Variants in GOLGA3 observed in about 807,000 individuals in gnomAD.
The protein encoded by GOLGA3 is golgin subfamily A member 3.
GOLGA3 carries 75 observed loss-of-function variants against 169.4 expected under a neutral mutation model. That is an observed-to-expected ratio of 0.44 (90% CI 0.37 to 0.54). The LOEUF is 0.54. Ranked by LOEUF, GOLGA3 falls within the 20% of genes least tolerant of loss-of-function variation. GOLGA3 has a pLI of 0.00. For missense variants in GOLGA3, 1,899 were observed against 1,930.0 expected, an observed-to-expected ratio of 0.98 and a Z score of 0.30; for synonymous variants, 824 against 822.4, an observed-to-expected ratio of 1.00 and a Z score of -0.03.
At position 132,816,578 on chromosome 12, in the gene GOLGA3, G is replaced by A. The variant is rs780845796; in HGVS notation, c.368C>T (p.Ser123Phe). The change falls in exon 3 of 24, where the codon TCT becomes TTT. Residue 123 changes from serine (S) to phenylalanine (F), a missense_variant. Physicochemically the swap from Ser to Phe is radical, Grantham distance 155. Coordinates refer to ENST00000450791, the MANE Select transcript of GOLGA3 (RefSeq NM_001389683.1). Reference protein sequence around the residue: ...EGSVRKEALQSLRLSLPMQET... With the variant: ...EGSVRKEALQFLRLSLPMQET... Reference sequence around the variant, plus strand: ...TTGCATAGGAAGACTGAGTCTGAGAGACTGCAAAGCTTCTTTTCTAACACT... The same window carrying A: ...TTGCATAGGAAGACTGAGTCTGAGAAACTGCAAAGCTTCTTTTCTAACACT... The A allele has an allele frequency of 1.2e-6, 2 of 1,614,068 alleles. No individual in the cohort carries two copies. Among genetic ancestry groups the A allele is most frequent in the Non-Finnish European group, 1.7e-6 (2 of 1,179,980 alleles).
intron 3 of GOLGA3, among the ~76,000 whole-genome samples, chr12:132,814,928 C>T (rs1371071454): frequency 6.6e-6 from 1 of 152,226 alleles, no homozygotes; most frequent in African/African-American, 2.4e-5. Context: ...GAGTGTGTGG[C>T]CTCATCCTTC....
intron 6 of GOLGA3, among the ~76,000 whole-genome samples, chr12:132,806,628 G>A (rs943241120): frequency 9.9e-5 from 15 of 152,178 alleles, no homozygotes; most frequent in Non-Finnish European, 2.1e-4. Context: ...ACCCTCCCAC[G>A]CCAGAAGCGG....
intron 7 of GOLGA3, among the ~76,000 whole-genome samples, chr12:132,802,530 C>T (rs899813450): frequency 2.6e-5 from 4 of 152,038 alleles, no homozygotes; most frequent in African/African-American, 4.8e-5. Flanking sequence ...GAGGCTGAGG[C>T]GGGCGGATCC....
rs1198885275 is a variant in GOLGA3 at position 132,804,980 on chromosome 12, G to T, written c.1333C>A (p.Leu445Ile). Reference protein sequence around the residue: ...KAELQAQLAALSTKLQAQVEC... With the variant: ...KAELQAQLAAISTKLQAQVEC... The stretch of plus-strand genomic sequence containing the variant: ...ACCTGCGCCTGCAGCTTCGTGCTGA[G>T]GGCGGCCAGCTGGGCCTGCAGCTCA... Residue 445 changes from leucine (L) to isoleucine (I), a missense_variant, in exon 7 of 24, where the codon CTC becomes ATC. Leu to Ile is a conservative substitution (Grantham distance 5). Coordinates refer to ENST00000450791, the MANE Select transcript of GOLGA3 (RefSeq NM_001389683.1). The surrounding 1 kb of genome is among the most constrained non-coding windows in gnomAD (Gnocchi z 4.1). 6.2e-6 allele frequency: 10 copies of T among 1,612,048 alleles called. No individual in the cohort carries two copies. Among genetic ancestry groups the T allele is most frequent in the Non-Finnish European group, 8.5e-6 (10 of 1,179,858 alleles).
Position 132,771,100 on chromosome 12 carries a change from T to C in GOLGA3, c.*2005A>G, listed in dbSNP as rs2044879764. 6.6e-6 allele frequency: 1 copy of C among 152,664 alleles called. No individual in the cohort carries two copies. Among genetic ancestry groups the C allele is most frequent in the Admixed American group, 6.5e-5 (1 of 15,284 alleles). The allele number at this position is 152,664 out of a possible 1,614,324, so 9.5% of individuals were successfully genotyped here. On this transcript the variant is annotated 3_prime_UTR_variant, in exon 24 of 24. Coordinates refer to ENST00000450791, the MANE Select transcript of GOLGA3 (RefSeq NM_001389683.1). ...TATTTATAATGAAATTTTCAAGTAT[T>C]ATTTCAAAATTAACCCTGTACAAAT...
intron 11 of GOLGA3, among the ~76,000 whole-genome samples, chr12:132,794,894 G>C (rs1948753879): frequency 1.3e-5 from 2 of 152,186 alleles, no homozygotes; most frequent in Admixed American, 1.3e-4. Context: ...GATCCTTATA[G>C]AGTGGGATTT....
intron 1 of GOLGA3, among the ~76,000 whole-genome samples, chr12:132,823,560 C>T (rs1160120107): frequency 6.6e-6 from 1 of 152,112 alleles, no homozygotes; most frequent in African/African-American, 2.4e-5. Context: ...CCAAGGCGGG[C>T]GGATCACCTG....
chr12:132,805,611 G>C (rs1253830566), intron 6 of GOLGA3, among the ~76,000 whole-genome samples: 1 of 149,202 alleles, frequency 6.7e-6, no homozygotes, highest in Non-Finnish European at 1.5e-5. Context: ...GCTCTCCCAA[G>C]GCCTGACAGA....
At position 132,786,501 on chromosome 12, in the gene GOLGA3, G is replaced by T; in HGVS notation, c.2961C>A (p.Ser987Arg). 6.2e-7 allele frequency: 1 copy of T among 1,613,574 alleles called. No homozygotes were observed. Among genetic ancestry groups the T allele is most frequent in the Non-Finnish European group, 8.5e-7 (1 of 1,179,930 alleles). Residue 987 changes from serine (S) to arginine (R), a missense_variant, in exon 15 of 24, where the codon AGC becomes AGA. Coordinates refer to ENST00000450791, the MANE Select transcript of GOLGA3 (RefSeq NM_001389683.1). Reference sequence around the variant, plus strand: ...GTTTGGTCTTCATCTCCTTCTGGGCGCTGGTCAAGTCTGAGCCCAGCCGCC... The same window carrying T: ...GTTTGGTCTTCATCTCCTTCTGGGCTCTGGTCAAGTCTGAGCCCAGCCGCC... ...KMRRLGSDLT[S>R]AQKEMKTKHK...
upstream of GOLGA3, chr12:132,828,948 GTCCTCCTCTTCT>G (rs1555266768): frequency 6.6e-6 from 1 of 152,278 alleles, no homozygotes; most frequent in Non-Finnish European, 1.5e-5. Flanking sequence ...AACAGAGAAC[GTCCTCCTCTTCT>G]TCAAGTGGCC....
Position 132,775,921 on chromosome 12 carries a change from T to C in GOLGA3, c.3979-616A>G, listed in dbSNP as rs542030872. Among the ~76,000 whole-genome samples the C allele has an allele frequency of 5.9e-5, 9 of 152,376 alleles. No individual in the cohort carries two copies. In the East Asian group the frequency reaches 1.3e-3, roughly 23 times the overall value. On this transcript the variant is annotated intron_variant, in intron 21 of 23. Coordinates refer to ENST00000450791, the MANE Select transcript of GOLGA3 (RefSeq NM_001389683.1). ...GCACCCTCCCATTTGCTGTAGTCCA[T>C]GAAATCACGTTCTTGGTCCGTGACA...
intron 9 of GOLGA3, among the ~76,000 whole-genome samples, chr12:132,796,992 GGAGT>G (rs1948874643): frequency 6.6e-6 from 1 of 152,326 alleles, no homozygotes; most frequent in East Asian, 1.9e-4. Flanking sequence ...CCTCCTTTCG[GGAGT>G]GAGACCCGGA....
intron 4 of GOLGA3, 146 bp from the exon 5 acceptor site, chr12:132,808,695 G>A (rs1297805593): frequency 4.2e-6 from 3 of 707,304 alleles, no homozygotes; most frequent in African/African-American, 3.5e-5. Context: ...ACCACACAGG[G>A]TGCGGCCAGG....
intron 2 of GOLGA3, 132 bp downstream of exon 2, chr12:132,821,853 CAAAAAAAAAAA>C (rs11301977): frequency 1.8e-5 from 7 of 393,792 alleles, no homozygotes; most frequent in South Asian, 3.7e-5. Context: ...GACTCCGTCT[CAAAAAAAAAAA>C]AAAAAAAAAA....
At chr12:132,794,545 C>G (rs577766598) in intron 11 of GOLGA3, among the ~76,000 whole-genome samples, 78 of 152,278 alleles carry the variant, frequency 5.1e-4, no homozygotes, top group Non-Finnish European at 8.8e-4. Context: ...CTGGGGAAAA[C>G]AGCCCAACCC....
intron 2 of GOLGA3, among the ~76,000 whole-genome samples, chr12:132,819,473 A>C (rs1809469): frequency 6.6e-6 from 1 of 152,192 alleles, no homozygotes; most frequent in Non-Finnish European, 1.5e-5. Flanking sequence ...AGCTTGCAGT[A>C]AGCTGAGGTC....
chr12:132,815,587 T>C (rs991575121), intron 3 of GOLGA3, among the ~76,000 whole-genome samples: 1 of 152,222 alleles, frequency 6.6e-6, no homozygotes, highest in African/African-American at 2.4e-5. Flanking sequence ...TTATTTAGTT[T>C]TAAGAAATTT....
rs549855152 is a variant in GOLGA3, at chr12:132,802,996, G to A, written c.1598-1027C>T. 2.4e-3 allele frequency among the ~76,000 whole-genome samples: 367 copies of A among 152,078 alleles called. 1 individual carries two copies. The highest frequency in any genetic ancestry group is 6.8e-3 in the Middle Eastern group (2 of 294). ...CTTGAACCTGGGAGGCAGAGGTTGC[G>A]GTGAGCCAAGATGGCGCCATTGCAC... is the stretch of plus-strand genomic sequence containing the variant. On this transcript the variant is annotated intron_variant, in intron 7 of 23. Coordinates refer to ENST00000450791, the MANE Select transcript of GOLGA3 (RefSeq NM_001389683.1).
Position 132,804,800 on chromosome 12 carries a change from A to G in GOLGA3, c.1513T>C (p.Leu505=), listed in dbSNP as rs771073661. 3.1e-6 allele frequency: 5 copies of G among 1,614,220 alleles called. No individual in the cohort carries two copies. In the South Asian group the frequency reaches 4.4e-5, roughly 14 times the overall value. Residue 505 remains leucine (L), a synonymous_variant, in exon 7 of 24, where the codon TTG becomes CTG. Transcript: ENST00000450791. This position sits in a 1 kb window ranked among gnomAD's most constrained non-coding sequence, Gnocchi z 4.1. ...NASLASSNND[L]QVAEEQYQRL... is the part of the protein sequence containing the mutation. Reference sequence around the variant, plus strand: ...TGGTACTGCTCCTCGGCCACCTGCAAGTCGTTGTTGGACGACGCCAGGCTG... The same window carrying G: ...TGGTACTGCTCCTCGGCCACCTGCAGGTCGTTGTTGGACGACGCCAGGCTG...
Sources: allele counts gnomAD v4.1 joint callset (sites outside exome capture counted in the v4.1 genomes callset), GRCh38; gene constraint gnomAD v4.1.1; non-coding constraint Gnocchi (gnomAD v3.1); transcripts MANE v1.5; gene names NCBI Gene and HGNC (gene_info 2026-07-23, HGNC 2026-07-21).